Variants in SMG7 observed in about 807,000 individuals in gnomAD.
The protein encoded by SMG7 is SMG7 nonsense mediated mRNA decay factor, also known as nonsense-mediated mRNA decay factor SMG7.
A neutral mutation model predicts 148.2 loss-of-function variants in SMG7; 34 were observed. That is an observed-to-expected ratio of 0.23 (90% CI 0.17 to 0.31). The LOEUF is 0.31. Among genes scored for constraint, SMG7 ranks in the 10% least tolerant of loss-of-function variants. The pLI, the probability that SMG7 is intolerant of heterozygous loss-of-function variation, is 1.00. For missense variants in SMG7, 1,114 were observed against 1,408.4 expected (o/e 0.79, Z 3.35); for synonymous variants, 492 against 515.1 (o/e 0.96, Z 0.61).
At position 183,553,852 on chromosome 1, in the gene SMG7, G is replaced by T; in HGVS notation, c.*1921G>T. 6.5e-6 allele frequency: 1 copy of T among 152,842 alleles called. No homozygotes were observed. The highest frequency in any genetic ancestry group is 1.5e-5 in the Non-Finnish European group (1 of 68,214). 9.5% of individuals were successfully genotyped at this position (152,842 alleles called of 1,614,324 possible). ...ATTCAGGCAGCTGCAACATTCCAGT[G>T]TTTGAACTGTCACTGATTCTTGCGC... On this transcript the variant is annotated 3_prime_UTR_variant, in exon 23 of 23. Transcript: ENST00000688051.
At chr1:183,512,808 C>CCTT in intron 1 of SMG7, 29 bp from the exon 2 acceptor site, 2 of 1,278,636 alleles carry the variant, frequency 1.6e-6, no homozygotes, top group South Asian at 3.3e-5. Flanking sequence ...AACTGATACT[C>CCTT]TTTTTTTTTT....
intron 11 of SMG7, 125 bp downstream of exon 11, chr1:183,537,340 CTG>C (rs1220551877): frequency 1.4e-6 from 1 of 694,270 alleles, no homozygotes; most frequent in African/African-American, 1.8e-5. Context: ...TCAGAAGTGA[CTG>C]TGAACTCTAC....
chr1:183,507,998 A>G (rs1661306922), intron 1 of SMG7: 1 of 164,528 alleles, frequency 6.1e-6, no homozygotes, highest in Non-Finnish European at 1.3e-5. Flanking sequence ...TGGTGATTTT[A>G]TTCTTGGTTC....
chr1:183,474,296 CTCACGCCTGTAA>C, intron 1 of SMG7, among the ~76,000 whole-genome samples: 1 of 152,360 alleles, frequency 6.6e-6, no homozygotes, highest in East Asian at 1.9e-4. Flanking sequence ...GGCACGGGGG[CTCACGCCTGTAA>C]TCCCAGCACT....
intron 15 of SMG7, 145 bp downstream of exon 15, chr1:183,544,642 G>T (rs1669570418): frequency 5.5e-6 from 5 of 908,036 alleles, no homozygotes; most frequent in African/African-American, 1.7e-5. Flanking sequence ...AATTATTTTT[G>T]AACTGTTTGT....
In SMG7 at chr1:183,549,936, C is replaced by T; in HGVS notation, c.3133+13C>T. 6.2e-7 allele frequency: 1 copy of T among 1,600,928 alleles called. No individual in the cohort carries two copies. The highest frequency in any genetic ancestry group is 1.1e-5 in the South Asian group (1 of 90,694). ...CCTGCCAGTTCAGGTATTAACTACT[C>T]TTTAAATTATAGACCTTACATTTCC... On this transcript the variant is annotated intron_variant, in intron 20 of 22. Transcript: ENST00000688051.
In SMG7 at chr1:183,480,658, A is replaced by G. The variant is rs138002069; in HGVS notation, c.29+8009A>G. 8.7e-4 allele frequency among the ~76,000 whole-genome samples: 132 copies of G among 152,300 alleles called. 2 individuals are homozygous for G. In the East Asian group the frequency reaches 0.018, roughly 21 times the overall value. On this transcript the variant is annotated intron_variant, in intron 1 of 22. Coordinates refer to ENST00000688051, the MANE Select transcript of SMG7 (RefSeq NM_001375584.1). Reference sequence around the variant, plus strand: ...CTCAAGTAGTTTCACTGGGCATACAAGTAAGTACTCAATTACCAAATAGTT... The same window carrying G: ...CTCAAGTAGTTTCACTGGGCATACAGGTAAGTACTCAATTACCAAATAGTT...
At chr1:183,477,420 AT>A (rs1275083499) in intron 1 of SMG7, among the ~76,000 whole-genome samples, 1 of 133,910 alleles carries the variant, frequency 7.5e-6, no homozygotes, top group African/African-American at 2.6e-5. Flanking sequence ...GTGTGTGTGT[AT>A]GTGTGCATAT....
chr1:183,474,135 G>A (rs763929090), intron 1 of SMG7, among the ~76,000 whole-genome samples: 1 of 152,114 alleles, frequency 6.6e-6, no homozygotes, highest in African/African-American at 2.4e-5. Context: ...AATAAATATA[G>A]CTATGACAAA....
intron 1 of SMG7, among the ~76,000 whole-genome samples, chr1:183,496,214 T>G (rs944339689): frequency 6.6e-6 from 1 of 152,182 alleles, no homozygotes; most frequent in Non-Finnish European, 1.5e-5. Context: ...ATTAGTTATC[T>G]TTCCTTCTTT....
At chr1:183,526,928 T>C (rs1665983520) in intron 5 of SMG7, among the ~76,000 whole-genome samples, 161 bp downstream of exon 5, 1 of 152,240 alleles carries the variant, frequency 6.6e-6, no homozygotes, top group Admixed American at 6.5e-5. Flanking sequence ...AATTTCTCAA[T>C]ATTTTTGGGA....
Position 183,527,966 on chromosome 1 carries a change from A to C in SMG7, c.495A>C (p.Arg165Ser), listed in dbSNP as rs1666183894. Reference sequence around the variant, plus strand: ...TTTTCTTCTTCTTAGCTCGATACAGAAACCAGACCAGCCAGGCAGAGTCCT... The same window carrying C: ...TTTTCTTCTTCTTAGCTCGATACAGCAACCAGACCAGCCAGGCAGAGTCCT... ...LVHLGDIARY[R>S]NQTSQAESYY... Residue 165 changes from arginine to serine, a missense_variant, in exon 6 of 23, where the codon AGA becomes AGC. Transcript: ENST00000688051. This position sits in a 1 kb window ranked among gnomAD's most constrained non-coding sequence, Gnocchi z 4.0. 1 of 1,613,278 alleles carries C rather than the reference A, an allele frequency of 6.2e-7. No homozygotes were observed. Among genetic ancestry groups the C allele is most frequent in the Non-Finnish European group, 8.5e-7 (1 of 1,179,562 alleles).
Position 183,545,256 on chromosome 1 carries a change from A to G in SMG7, c.2314A>G (p.Thr772Ala), listed in dbSNP as rs138329574. 1.2e-6 allele frequency: 2 copies of G among 1,613,660 alleles called. No homozygotes were observed. Among genetic ancestry groups the G allele is most frequent in the Non-Finnish European group, 8.5e-7 (1 of 1,179,986 alleles). The part of the protein sequence containing the change: ...QALTQQQQSP[T>A]KAVPALGKSP... ...TCTAACTCAGCAACAACAATCCCCT[A>G]CAAAAGCTGTGCCGGCTTTGGGGAA... The change falls in exon 16 of 23, where the codon ACA (threonine) becomes GCA (alanine). Residue 772 changes from threonine (T) to alanine (A), a missense_variant. By Grantham distance (58) the Thr-to-Ala change is moderately conservative. This residue lies in a region of SMG7 where 788 missense variants were observed against 894.5 expected (regional missense o/e 0.88). Coordinates refer to ENST00000688051, the MANE Select transcript of SMG7 (RefSeq NM_001375584.1).
At chr1:183,542,594 G>A (rs1045550204) in intron 14 of SMG7, 92 bp downstream of exon 14, 63 of 1,051,034 alleles carry the variant, frequency 6.0e-5, no homozygotes, top group South Asian at 8.2e-5. Flanking sequence ...AGAATTGGCC[G>A]TCCTGGAAGT....
At chr1:183,484,040 A>T (rs1295081006) in intron 1 of SMG7, among the ~76,000 whole-genome samples, 1 of 152,128 alleles carries the variant, frequency 6.6e-6, no homozygotes, top group Non-Finnish European at 1.5e-5. Context: ...CTAGCAATGT[A>T]ACCTTGAAGC....
intron 17 of SMG7, 118 bp from the exon 18 acceptor site, chr1:183,546,985 A>G (rs147286182): frequency 5.7e-5 from 55 of 966,100 alleles, no homozygotes; most frequent in Non-Finnish European, 7.6e-5. Flanking sequence ...TTTGCCTAAT[A>G]CCATCTATCT....
rs1667178468 is a variant in SMG7 at position 183,533,264 on chromosome 1, C to T, written c.944C>T (p.Thr315Ile). 1 of 1,613,984 alleles carries T rather than the reference C, an allele frequency of 6.2e-7. No homozygotes were observed. Among genetic ancestry groups the T allele is most frequent in the Non-Finnish European group, 8.5e-7 (1 of 1,179,878 alleles). The change falls in exon 9 of 23, where the codon ACC (threonine) becomes ATC (isoleucine). Residue 315 changes from threonine to isoleucine, a missense_variant. Around this residue, in one of 4 missense-constraint regions of SMG7, gnomAD observed 102 missense variants for 147.2 expected, o/e 0.69. Transcript: ENST00000688051. Reference sequence around the variant, plus strand: ...CACCTTCGTGACTTTAGCAATGAAACCGAGCAGCACACTTATAGCCAAGAT... The same window carrying T: ...CACCTTCGTGACTTTAGCAATGAAATCGAGCAGCACACTTATAGCCAAGAT... Reference protein sequence around the residue: ...LHHLRDFSNETEQHTYSQDEQ... With the variant: ...LHHLRDFSNEIEQHTYSQDEQ...
chr1:183,513,082 A>G, intron 2 of SMG7: 1 of 466,214 alleles, frequency 2.1e-6, no homozygotes, highest in Non-Finnish European at 3.7e-6. Flanking sequence ...AATATATGGT[A>G]TACTGAATTG....
At chr1:183,472,731 G>A in intron 1 of SMG7, 82 bp downstream of exon 1, 3 of 1,239,896 alleles carry the variant, frequency 2.4e-6, no homozygotes, top group South Asian at 1.9e-5. Context: ...AGGTAAGTCC[G>A]GGGTGGCGGG....
Sources: allele counts gnomAD v4.1 joint callset (sites outside exome capture counted in the v4.1 genomes callset), GRCh38; gene constraint gnomAD v4.1.1; regional missense constraint gnomAD v4.1.1; non-coding constraint Gnocchi (gnomAD v3.1); transcripts MANE v1.5; gene names NCBI Gene and HGNC (gene_info 2026-07-23, HGNC 2026-07-21).